Variants in TARBP1 observed in about 807,000 individuals in gnomAD.
TARBP1 encodes tRNA guanosine 2 -O-methyltransferase TARBP1, also known as tRNA (guanosine(18)-2'-O)-methyltransferase TARBP1.
TARBP1 carries 144 observed loss-of-function variants against 178.6 expected under a neutral mutation model. That is an observed-to-expected ratio of 0.81 (90% confidence interval 0.70 to 0.93). The LOEUF (loss-of-function observed/expected upper bound fraction) is 0.93, where lower values mean the gene tolerates loss of function less well. TARBP1 is among the 40% of genes least tolerant of loss of function. The probability of loss-of-function intolerance (pLI) is 0.00; values close to 1 mark genes in which losing one functional copy is unlikely to be tolerated. For missense variants in TARBP1, 2,067 were observed against 2,011.7 expected (o/e 1.03, Z -0.53); for synonymous variants, 787 against 781.0 (o/e 1.01, Z -0.13).
At chr1:234,459,919 A>T (rs1667677271) in intron 7 of TARBP1, among the ~76,000 whole-genome samples, 1 of 151,792 alleles carries the variant, frequency 6.6e-6, no homozygotes, top group Admixed American at 6.6e-5. Flanking sequence ...AATATTTTTT[A>T]AATACTTTCT....
rs1665157477 is a variant in TARBP1 at position 234,437,544 on chromosome 1, A to C, written c.2135-172T>G. On this transcript the variant is annotated intron_variant, in intron 12 of 29. Coordinates refer to ENST00000040877, the MANE Select transcript of TARBP1 (RefSeq NM_005646.4). ...CATGGGGAAAGCTATACTTAATCTT[A>C]AGTCACTTAGGAGTTCCAGTTGTGG... Among the ~76,000 whole-genome samples the C allele has an allele frequency of 3.3e-5, 5 of 152,142 alleles. No homozygotes were observed. In the South Asian group the frequency reaches 1.0e-3, roughly 32 times the overall value.
In TARBP1 at chr1:234,475,993, T is replaced by C. The variant is rs867008819; in HGVS notation, c.931+2180A>G. On this transcript the variant is annotated intron_variant, in intron 1 of 29. Transcript: ENST00000040877. Reference sequence around the variant, plus strand: ...GGTGCCTATCCCAGGCAGAAATATTTACTTCCATCTCTACTGTTATTATAG... The same window carrying C: ...GGTGCCTATCCCAGGCAGAAATATTCACTTCCATCTCTACTGTTATTATAG... Among the ~76,000 whole-genome samples the C allele has an allele frequency of 6.0e-5, 9 of 150,974 alleles. No individual in the cohort carries two copies. In the South Asian group the frequency reaches 1.5e-3, roughly 25 times the overall value.
intron 26 of TARBP1, among the ~76,000 whole-genome samples, chr1:234,394,116 T>C (rs553230336): frequency 7.2e-5 from 11 of 152,332 alleles, no homozygotes; most frequent in African/African-American, 2.4e-4. Context: ...TTTTAGCATA[T>C]CTGAAATTGA....
chr1:234,420,624 T>C (rs1187508716), intron 21 of TARBP1, 78 bp downstream of exon 21: 4 of 857,528 alleles, frequency 4.7e-6, no homozygotes, highest in South Asian at 1.8e-5. Flanking sequence ...TTTAAAATAG[T>C]ATATGATAGT....
At chr1:234,478,147 A>C in intron 1 of TARBP1, 26 bp downstream of exon 1, 1 of 1,604,368 alleles carries the variant, frequency 6.2e-7, no homozygotes, top group South Asian at 1.1e-5. Context: ...AGGTAGCACT[A>C]GGCTGGGGGG....
chr1:234,438,231 G>A lies in TARBP1; in HGVS notation c.2135-859C>T, dbSNP rs1572325249. 2.6e-5 allele frequency among the ~76,000 whole-genome samples: 4 copies of A among 152,286 alleles called. No individual in the cohort carries two copies. In the Middle Eastern group the frequency reaches 0.014, roughly 518 times the overall value. The stretch of plus-strand genomic sequence containing the variant: ...GTTTCATATTATAATATTCAAAACA[G>A]CTAGGATATAATCCAAAATTACTAA... On this transcript the variant is annotated intron_variant, in intron 12 of 29. Transcript: ENST00000040877.
intron 12 of TARBP1, among the ~76,000 whole-genome samples, chr1:234,444,508 C>A (rs1216917401): frequency 1.3e-5 from 2 of 152,148 alleles, no homozygotes; most frequent in Non-Finnish European, 2.9e-5. Flanking sequence ...GAGGAAAACA[C>A]AGCCGTCTGG....
At position 234,479,148 on chromosome 1, in the gene TARBP1, G is replaced by T. The variant is rs761799859; in HGVS notation, c.-45C>A. 7.3e-5 allele frequency: 107 copies of T among 1,462,996 alleles called. 1 individual carries two copies. In the Admixed American group the frequency reaches 7.4e-4, roughly 10 times the overall value. The allele number at this position is 1,462,996 out of a possible 1,614,324, so 90.6% of individuals were successfully genotyped here. On this transcript the variant is annotated 5_prime_UTR_variant, in exon 1 of 30. Coordinates refer to ENST00000040877, the MANE Select transcript of TARBP1 (RefSeq NM_005646.4). ...CCGGCCCGGGCTCCCAAAGGAAGGC[G>T]CCGGCGTGTGCGATGCGTGCGCACA...
intron 3 of TARBP1, among the ~76,000 whole-genome samples, chr1:234,470,524 T>C (rs1188052304): frequency 6.6e-6 from 1 of 151,698 alleles, no homozygotes; most frequent in Non-Finnish European, 1.5e-5. Context: ...ACTCTTCTCA[T>C]TCTATAAATG....
At chr1:234,436,910 C>T (rs964615097) in intron 13 of TARBP1, among the ~76,000 whole-genome samples, 18 of 152,186 alleles carry the variant, frequency 1.2e-4, no homozygotes, top group South Asian at 2.1e-4. Context: ...TTAACACACA[C>T]GCACCCCCAC....
chr1:234,449,000 G>A (rs1666463881), intron 10 of TARBP1, among the ~76,000 whole-genome samples: 1 of 152,186 alleles, frequency 6.6e-6, no homozygotes, highest in Non-Finnish European at 1.5e-5. Context: ...CTGAAGAAAT[G>A]ACAATTGGGC....
intron 1 of TARBP1, among the ~76,000 whole-genome samples, chr1:234,475,906 C>T (rs531641): frequency 0.42 from 63,998 of 152,074 alleles, 14,129 homozygotes; most frequent in African/African-American, 0.52. Context: ...AAAACAAATA[C>T]AGCAACCAAC....
chr1:234,465,799 G>C, intron 4 of TARBP1, 91 bp from the exon 5 acceptor site: 1 of 1,214,810 alleles, frequency 8.2e-7, no homozygotes, highest in Non-Finnish European at 1.1e-6. Flanking sequence ...ATCCTACACA[G>C]GCTTACAGAA....
At chr1:234,397,918 T>G (rs1292288168) in intron 26 of TARBP1, among the ~76,000 whole-genome samples, 1 of 117,594 alleles carries the variant, frequency 8.5e-6, no homozygotes, top group Non-Finnish European at 1.8e-5. Context: ...CAGGGAAGGA[T>G]GAGACAGAGG....
chr1:234,469,060 C>CTT (rs765324709), intron 3 of TARBP1, among the ~76,000 whole-genome samples: 79 of 68,558 alleles, frequency 1.2e-3, no homozygotes, highest in African/African-American at 2.4e-3. Flanking sequence ...CGGTTTTTGC[C>CTT]TTTTTTTTTT....
chr1:234,456,313 G>T (rs978526654), intron 9 of TARBP1, among the ~76,000 whole-genome samples: 4 of 152,196 alleles, frequency 2.6e-5, no homozygotes, highest in Non-Finnish European at 5.9e-5. Flanking sequence ...CAATTCTCCT[G>T]TCTCAGCCTC....
intron 5 of TARBP1, 72 bp from the exon 6 acceptor site, chr1:234,464,006 A>G: frequency 1.1e-6 from 1 of 875,930 alleles, no homozygotes; most frequent in Non-Finnish European, 1.6e-6. Flanking sequence ...ACTAGCCTAA[A>G]TGGACCATGG....
At chr1:234,421,848 C>G (rs189314995) in intron 20 of TARBP1, among the ~76,000 whole-genome samples, 126 of 152,336 alleles carry the variant, frequency 8.3e-4, no homozygotes, top group African/African-American at 2.9e-3. Flanking sequence ...ACCTCCAAAA[C>G]CATTTTCACA....
At chr1:234,464,686 A>T (rs1466734991) in intron 5 of TARBP1, among the ~76,000 whole-genome samples, 1 of 152,186 alleles carries the variant, frequency 6.6e-6, no homozygotes, top group Non-Finnish European at 1.5e-5. Context: ...CGTGGCAGAG[A>T]CTAATTAAAA....
Sources: allele counts gnomAD v4.1 joint callset (sites outside exome capture counted in the v4.1 genomes callset), GRCh38; gene constraint gnomAD v4.1.1; transcripts MANE v1.5; gene names NCBI Gene and HGNC (gene_info 2026-07-23, HGNC 2026-07-21).